FAM228A: variants seen among roughly 807,000 people sequenced by gnomAD.
The protein encoded by FAM228A is family with sequence similarity 228 member A.
FAM228A carries 13 observed loss-of-function variants against 18.6 expected under a neutral mutation model. The ratio of observed to expected loss-of-function variants is 0.70; its 90% CI spans 0.45 to 1.11. The LOEUF (loss-of-function observed/expected upper bound fraction) is 1.11, where lower values mean the gene tolerates loss of function less well. Ranked by LOEUF, FAM228A falls within the 50% of genes least tolerant of loss-of-function variation. The pLI, the probability that FAM228A is intolerant of heterozygous loss-of-function variation, is 0.00. For missense variants in FAM228A, 240 were observed against 242.2 expected, an observed-to-expected ratio of 0.99 and a Z score of 0.06; for synonymous variants, 77 against 86.6, an observed-to-expected ratio of 0.89 and a Z score of 0.61.
At chr2:24,179,172 A>G in intron 3 of FAM228A, 1 of 1,178,394 alleles carries the variant, frequency 8.5e-7, no homozygotes, top group Non-Finnish European at 1.1e-6. Flanking sequence ...GAGATGTTAC[A>G]TAAAAAATGG....
At chr2:24,180,552 C>G (rs1667793220) in intron 3 of FAM228A, among the ~76,000 whole-genome samples, 1 of 152,130 alleles carries the variant, frequency 6.6e-6, no homozygotes, top group Non-Finnish European at 1.5e-5. Context: ...GGGCAGAGCT[C>G]AAGATTGAAT....
At position 24,190,675 on chromosome 2, in the gene FAM228A, G is replaced by A. The variant is rs371279796; in HGVS notation, c.*44G>A. On this transcript the variant is annotated 3_prime_UTR_variant, in exon 6 of 6. Transcript: ENST00000295150. ...CCTGTCAGACAGGCACCCAAGGGCG[G>A]AGGAGGCATGGCCCAAGAAGAAGGG... The A allele has an allele frequency of 4.2e-5, 63 of 1,502,636 alleles. 1 individual carries two copies. In the African/African-American group the frequency reaches 7.6e-4, roughly 18 times the overall value. The allele number at this position is 1,502,636 out of a possible 1,614,324, so 93.1% of individuals were successfully genotyped here.
chr2:24,186,830 G>A (rs528599255), intron 5 of FAM228A, among the ~76,000 whole-genome samples: 4 of 151,820 alleles, frequency 2.6e-5, no homozygotes, highest in Admixed American at 2.6e-4. Context: ...GTAGAGAAGG[G>A]GTTTCACGTT....
rs1049873563 is a variant in FAM228A, at chr2:24,191,487, A to G, written c.*856A>G. On this transcript the variant is annotated 3_prime_UTR_variant, in exon 6 of 6. Coordinates refer to ENST00000295150, the MANE Select transcript of FAM228A (RefSeq NM_001040710.3). Reference sequence around the variant, plus strand: ...TTTCCTCTGAGCATAATTATATCTGAGAGCACAGGGAGCTCCTCATTCCAT... The same window carrying G: ...TTTCCTCTGAGCATAATTATATCTGGGAGCACAGGGAGCTCCTCATTCCAT... 8 of 985,266 alleles carry G rather than the reference A, an allele frequency of 8.1e-6. No individual in the cohort carries two copies. Among genetic ancestry groups the G allele is most frequent in the Non-Finnish European group, 9.6e-6 (8 of 829,886 alleles). The allele number at this position is 985,266 out of a possible 1,614,324, so 61.0% of individuals were successfully genotyped here. A position where few individuals can be genotyped will look rare whatever the true frequency, so the allele number is the denominator to read the frequency against.
intron 2 of FAM228A, among the ~76,000 whole-genome samples, chr2:24,176,716 G>A (rs532700027): frequency 1.3e-5 from 2 of 152,148 alleles, no homozygotes; most frequent in African/African-American, 4.8e-5. Flanking sequence ...TGAGTTTGGG[G>A]TTTAGTTTGT....
At chr2:24,184,826 C>CTT (rs1169233564) in intron 5 of FAM228A, among the ~76,000 whole-genome samples, 134 of 138,436 alleles carry the variant, frequency 9.7e-4, no homozygotes, top group African/African-American at 3.3e-3. Flanking sequence ...GCTGTATGGC[C>CTT]TTTTTTTTTT....
intron 3 of FAM228A, 30 bp downstream of exon 3, chr2:24,177,900 A>G (rs55661701): frequency 2.3e-4 from 333 of 1,454,738 alleles, no homozygotes; most frequent in African/African-American, 1.8e-3. Context: ...TGCATTCTAC[A>G]TATGTTCTAG....
At chr2:24,182,072 C>G (rs532087956) in intron 3 of FAM228A, among the ~76,000 whole-genome samples, 1 of 152,130 alleles carries the variant, frequency 6.6e-6, no homozygotes, top group Non-Finnish European at 1.5e-5. Flanking sequence ...AGGGAACACT[C>G]CTTTCTACTG....
At chr2:24,178,852 T>C (rs765317097) in intron 3 of FAM228A, among the ~76,000 whole-genome samples, 6 of 152,220 alleles carry the variant, frequency 3.9e-5, no homozygotes, top group Non-Finnish European at 5.9e-5. Flanking sequence ...TAGCTTAATC[T>C]GATTCATGAG....
intron 2 of FAM228A, among the ~76,000 whole-genome samples, chr2:24,176,661 C>T (rs1667700396): frequency 1.3e-5 from 2 of 152,174 alleles, no homozygotes; most frequent in Admixed American, 1.3e-4. Context: ...GTAAAAAGAA[C>T]AACTTTCCTT....
At position 24,191,344 on chromosome 2, in the gene FAM228A, G is replaced by C. The variant is rs1412958013; in HGVS notation, c.*713G>C. On this transcript the variant is annotated 3_prime_UTR_variant, in exon 6 of 6. Transcript: ENST00000295150. Reference sequence around the variant, plus strand: ...GGGGACTGCTGCTGCTTTCCAGCCTGTGAGCCTGGATAGGTATTTTGTGAC... The same window carrying C: ...GGGGACTGCTGCTGCTTTCCAGCCTCTGAGCCTGGATAGGTATTTTGTGAC... 2.0e-6 allele frequency: 2 copies of C among 985,504 alleles called. No individual in the cohort carries two copies. The highest frequency in any genetic ancestry group is 3.5e-5 in the African/African-American group (2 of 57,234). The allele number at this position is 985,504 out of a possible 1,614,324, so 61.0% of individuals were successfully genotyped here.
In FAM228A at chr2:24,190,468, C is replaced by G; in HGVS notation, c.458C>G (p.Ala153Gly). The G allele has an allele frequency of 1.9e-6, 3 of 1,614,090 alleles. No homozygotes were observed. The South Asian group carries it at 3.3e-5, about 18-fold the overall frequency. ...CAGAAAAGAAAAGAGAAAAAGACGGCCGACCTAAGTCAGGCTGCGTTTGAA... is the reference window on the plus strand; with the variant it reads ...CAGAAAAGAAAAGAGAAAAAGACGGGCGACCTAAGTCAGGCTGCGTTTGAA... ...KKQKRKEKKT[A>G]DLSQAAFERQ... The change falls in exon 6 of 6, where the codon GCC becomes GGC. Residue 153 changes from alanine (A) to glycine (G), a missense_variant. Transcript: ENST00000295150.
At chr2:24,182,057 G>A (rs1667828802) in intron 3 of FAM228A, among the ~76,000 whole-genome samples, 1 of 152,188 alleles carries the variant, frequency 6.6e-6, no homozygotes, top group Admixed American at 6.5e-5. Context: ...ATTATGGGAC[G>A]TGGGAGGGAA....
chr2:24,184,821 A>G (rs537134992), intron 5 of FAM228A, among the ~76,000 whole-genome samples: 27 of 146,032 alleles, frequency 1.8e-4, no homozygotes, highest in Middle Eastern at 3.6e-3. Flanking sequence ...CAAAAGCTGT[A>G]TGGCCTTTTT....
intron 5 of FAM228A, among the ~76,000 whole-genome samples, chr2:24,188,843 T>G (rs1188314960): frequency 6.6e-6 from 1 of 152,182 alleles, no homozygotes; most frequent in Non-Finnish European, 1.5e-5. Flanking sequence ...CTGTGCAGAC[T>G]TCTATATTCT....
At chr2:24,177,389 A>G (rs1466577428) in intron 2 of FAM228A, among the ~76,000 whole-genome samples, 1 of 152,212 alleles carries the variant, frequency 6.6e-6, no homozygotes, top group Non-Finnish European at 1.5e-5. Context: ...ACAGTGAGCC[A>G]GGATTATACC....
chr2:24,190,218 C>T (rs1668046908), intron 5 of FAM228A, among the ~76,000 whole-genome samples, 194 bp from the exon 6 acceptor site: 1 of 152,106 alleles, frequency 6.6e-6, no homozygotes. Context: ...CCCAAGTCAC[C>T]ACCTCCCTAG....
chr2:24,184,377 CA>C (rs66895555), intron 5 of FAM228A, among the ~76,000 whole-genome samples: 1,183 of 108,892 alleles, frequency 0.011, 8 homozygotes, highest in African/African-American at 0.032. Flanking sequence ...GAGACACTGT[CA>C]AAAAAAAAAA....
chr2:24,183,773 C>T, intron 5 of FAM228A, 128 bp downstream of exon 5: 1 of 764,960 alleles, frequency 1.3e-6, no homozygotes, highest in Non-Finnish European at 2.1e-6. Flanking sequence ...TTATCATCAC[C>T]TTTGTATTAT....
Sources: gnomAD v4.1 joint callset for allele counts (sites outside exome capture counted in the v4.1 genomes callset) on GRCh38, gnomAD v4.1.1 for gene constraint, MANE v1.5 for transcripts, NCBI Gene and HGNC (gene_info 2026-07-23, HGNC 2026-07-21) for gene names.